ZNF793: variants seen among roughly 807,000 people sequenced by gnomAD.
ZNF793 encodes the protein zinc finger protein 793.
In ZNF793, 5 loss-of-function variants were observed where a neutral mutation model predicts 12.4. The observed-to-expected ratio is 0.40, with a 90% CI of 0.21 to 0.84. The LOEUF is 0.84. Among genes scored for constraint, ZNF793 ranks in the 40% least tolerant of loss-of-function variants. The pLI, the probability that ZNF793 is intolerant of heterozygous loss-of-function variation, is 0.35. For missense variants in ZNF793, 456 were observed against 495.0 expected (o/e 0.92, Z 0.75); for synonymous variants, 162 against 172.4 (o/e 0.94, Z 0.47).
chr19:37,519,136 G>A (rs1385511246), intron 2 of ZNF793, among the ~76,000 whole-genome samples: 2 of 152,052 alleles, frequency 1.3e-5, no homozygotes, highest in Non-Finnish European at 2.9e-5. Context: ...CGTGGTGGCA[G>A]GTGCCTGTAG....
In ZNF793 at chr19:37,537,521, G is replaced by A. The variant is rs761556659; in HGVS notation, c.863G>A (p.Cys288Tyr). 6.2e-7 allele frequency: 1 copy of A among 1,613,868 alleles called. No individual in the cohort carries two copies. The change falls in exon 8 of 8, where the codon TGT (cysteine) becomes TAT (tyrosine). Residue 288 changes from cysteine (C) to tyrosine (Y), a missense_variant. Transcript: ENST00000627814. Reference sequence around the variant, plus strand: ...GTAAGACCCTTTGAATGTTTTTTTTGTGGGAAAGCCTTTACCCAGAAGTCA... The same window carrying A: ...GTAAGACCCTTTGAATGTTTTTTTTATGGGAAAGCCTTTACCCAGAAGTCA... Reference protein sequence around the residue: ...TGVRPFECFFCGKAFTQKSHR... With the variant: ...TGVRPFECFFYGKAFTQKSHR...
chr19:37,537,092 A>T lies in ZNF793; in HGVS notation c.434A>T (p.Asn145Ile), dbSNP rs897892261. The T allele has an allele frequency of 6.2e-7, 1 of 1,613,620 alleles. No homozygotes were observed. Among genetic ancestry groups the T allele is most frequent in the African/African-American group, 1.3e-5 (1 of 75,040 alleles). ...AGTAACTGGAACCCTTGTGGAAAGA[A>T]TTTGAACCATAATTTAGACTTGATT... is the stretch of plus-strand genomic sequence containing the variant. ...SPSNWNPCGK[N>I]LNHNLDLIGF... is the part of the protein sequence containing the mutation. The change falls in exon 8 of 8, where the codon AAT (asparagine) becomes ATT (isoleucine). Residue 145 changes from asparagine to isoleucine, a missense_variant. Coordinates refer to ENST00000627814, the MANE Select transcript of ZNF793 (RefSeq NM_001013659.3).
chr19:37,529,769 A>C (rs1384236146), intron 5 of ZNF793, among the ~76,000 whole-genome samples: 1 of 152,210 alleles, frequency 6.6e-6, no homozygotes, highest in East Asian at 1.9e-4. Flanking sequence ...CTGGGATTAC[A>C]GTGGTGAGCC....
chr19:37,533,245 G>A lies in ZNF793; in HGVS notation c.143-63G>A. On this transcript the variant is annotated intron_variant, in intron 6 of 7. Coordinates refer to ENST00000627814, the MANE Select transcript of ZNF793 (RefSeq NM_001013659.3). ...CATCTATTGTGCAGCCTTTAAAGCT[G>A]CCTGAGAGGCCCTGAAGACCAAGGA... The A allele has an allele frequency of 1.5e-5, 21 of 1,419,048 alleles. No homozygotes were observed. In the South Asian group the frequency reaches 2.3e-4, roughly 16 times the overall value. The allele number at this position is 1,419,048 out of a possible 1,614,324, so 87.9% of individuals were successfully genotyped here. A position where few individuals can be genotyped will look rare whatever the true frequency, so the allele number is the denominator to read the frequency against.
At chr19:37,528,294 C>G (rs971618227) in intron 5 of ZNF793, among the ~76,000 whole-genome samples, 1 of 152,106 alleles carries the variant, frequency 6.6e-6, no homozygotes. Flanking sequence ...CGGAGCCTTG[C>G]CAACCAGGAA....
At chr19:37,508,818 A>G (rs2042271643) in intron 2 of ZNF793, among the ~76,000 whole-genome samples, 1 of 152,218 alleles carries the variant, frequency 6.6e-6, no homozygotes, top group Admixed American at 6.5e-5. Flanking sequence ...GGCTCAACTT[A>G]AATTATCAAA....
At chr19:37,531,980 A>C (rs373219887) in intron 5 of ZNF793, among the ~76,000 whole-genome samples, 1 of 152,182 alleles carries the variant, frequency 6.6e-6, no homozygotes, top group Admixed American at 6.5e-5. Context: ...CTAACTTATA[A>C]ACATTATAAA....
chr19:37,509,918 C>T (rs1568784043), intron 2 of ZNF793, among the ~76,000 whole-genome samples: 1 of 152,102 alleles, frequency 6.6e-6, no homozygotes, highest in Non-Finnish European at 1.5e-5. Context: ...TTAGTATTGT[C>T]TGTTTTTGAT....
chr19:37,529,497 G>C (rs2042440916), intron 5 of ZNF793, among the ~76,000 whole-genome samples: 1 of 151,850 alleles, frequency 6.6e-6, no homozygotes, highest in Admixed American at 6.6e-5. Flanking sequence ...CTGCCTTTTT[G>C]GAATGTTTAG....
intron 7 of ZNF793, chr19:37,535,289 G>A (rs937969782): frequency 7.2e-5 from 11 of 152,118 alleles, no homozygotes; most frequent in African/African-American, 2.7e-4. Flanking sequence ...ACTGCACCCA[G>A]CCCCACTTTT....
chr19:37,524,760 T>C (rs2042400671), intron 5 of ZNF793, among the ~76,000 whole-genome samples: 1 of 152,232 alleles, frequency 6.6e-6, no homozygotes, highest in Admixed American at 6.5e-5. Flanking sequence ...CCTGGCCTGC[T>C]TCATGGGGTG....
intron 2 of ZNF793, among the ~76,000 whole-genome samples, chr19:37,517,634 C>T (rs972201569): frequency 6.6e-5 from 10 of 152,062 alleles, no homozygotes; most frequent in African/African-American, 2.2e-4. Context: ...TCAGGCACTA[C>T]GTCTTTATGT....
chr19:37,537,108 A>G lies in ZNF793; in HGVS notation c.450A>G (p.Leu150=), dbSNP rs1371062981. 6 of 1,613,394 alleles carry G rather than the reference A, an allele frequency of 3.7e-6. No individual in the cohort carries two copies. The highest frequency in any genetic ancestry group is 4.2e-6 in the Non-Finnish European group (5 of 1,179,598). ...NPCGKNLNHN[L]DLIGFKRNCA... Reference sequence around the variant, plus strand: ...GTGGAAAGAATTTGAACCATAATTTAGACTTGATTGGTTTTAAGAGAAACT... The same window carrying G: ...GTGGAAAGAATTTGAACCATAATTTGGACTTGATTGGTTTTAAGAGAAACT... The change falls in exon 8 of 8, where the codon TTA becomes TTG. Residue 150 remains leucine, a synonymous_variant. Coordinates refer to ENST00000627814, the MANE Select transcript of ZNF793 (RefSeq NM_001013659.3).
chr19:37,534,690 T>TC (rs2042490446), intron 7 of ZNF793: 1 of 152,426 alleles, frequency 6.6e-6, no homozygotes, highest in Non-Finnish European at 1.5e-5. Flanking sequence ...TGCTTTTTTT[T>TC]TTTCTTTTTG....
At chr19:37,523,178 T>TGTTGC (rs2042388587) in intron 4 of ZNF793, among the ~76,000 whole-genome samples, 2 of 152,146 alleles carry the variant, frequency 1.3e-5, no homozygotes, top group Non-Finnish European at 2.9e-5. Flanking sequence ...TGCAACACCA[T>TGTTGC]ACCTGGCTAA....
intron 5 of ZNF793, among the ~76,000 whole-genome samples, chr19:37,527,631 C>G (rs574791517): frequency 6.6e-6 from 1 of 152,200 alleles, no homozygotes; most frequent in Non-Finnish European, 1.5e-5. Flanking sequence ...CCCCAATCCA[C>G]TGCTTTGCAT....
chr19:37,528,672 A>C, intron 5 of ZNF793, among the ~76,000 whole-genome samples: 1 of 152,050 alleles, frequency 6.6e-6, no homozygotes, highest in East Asian at 1.9e-4. Context: ...CTGCTCCTTC[A>C]CAACTTATGC....
Position 37,520,175 on chromosome 19 carries a change from T to C in ZNF793, c.-275-9T>C, listed in dbSNP as rs537058135. 1 of 152,660 alleles carries C rather than the reference T, an allele frequency of 6.6e-6. No individual in the cohort carries two copies. The highest frequency in any genetic ancestry group is 2.1e-4 in the South Asian group (1 of 4,830). The allele number at this position is 152,660 out of a possible 1,614,324, so 9.5% of individuals were successfully genotyped here. On this transcript the variant is annotated splice_polypyrimidine_tract_variant and intron_variant, in intron 2 of 7. Transcript: ENST00000627814. ...TGGATGACTCACCATGGGATCTGCT[T>C]ATCTTCAGGTTCTCTGGGTGCCCTG...
intron 1 of ZNF793, among the ~76,000 whole-genome samples, chr19:37,508,034 A>G (rs1420968476): frequency 2.0e-5 from 3 of 152,212 alleles, no homozygotes; most frequent in Admixed American, 1.3e-4. Context: ...TAGCGGGAAC[A>G]CATTTCACTC....
Sources: gnomAD v4.1 joint callset for allele counts (sites outside exome capture counted in the v4.1 genomes callset) on GRCh38, gnomAD v4.1.1 for gene constraint, MANE v1.5 for transcripts, NCBI Gene and HGNC (gene_info 2026-07-23, HGNC 2026-07-21) for gene names.